Variants in MED17 observed in about 807,000 individuals in gnomAD.
The protein encoded by MED17 is mediator of RNA polymerase II transcription subunit 17.
Under a neutral mutation model 80.8 loss-of-function variants are expected in MED17, and 49 were observed. The observed-to-expected ratio is 0.61, with a 90% confidence interval of 0.48 to 0.77. MED17 has a LOEUF of 0.77. Ranked by LOEUF, MED17 falls within the 30% of genes least tolerant of loss-of-function variation. The pLI, the probability that MED17 is intolerant of heterozygous loss-of-function variation, is 0.00. For missense variants in MED17, 718 were observed against 787.0 expected, an observed-to-expected ratio of 0.91 and a Z score of 1.05; for synonymous variants, 281 against 280.4, an observed-to-expected ratio of 1.00 and a Z score of -0.02.
rs1944067599 is a variant in MED17 at position 93,809,802 on chromosome 11, T to G, written c.1670T>G (p.Leu557Arg). ...QVLSFSNHVG[L>R]GPIESIGNAS... ...CTGAGCTTCAGTAATCATGTGGGACTTGGACCTATAGAGAGCATTGGTAAT... is the reference window on the plus strand; with the variant it reads ...CTGAGCTTCAGTAATCATGTGGGACGTGGACCTATAGAGAGCATTGGTAAT... The change falls in exon 11 of 12, where the codon CTT (leucine) becomes CGT (arginine). Residue 557 changes from leucine (L) to arginine (R), a missense_variant. Coordinates refer to ENST00000251871, the MANE Select transcript of MED17 (RefSeq NM_004268.5). 1 of 1,614,186 alleles carries G rather than the reference T, an allele frequency of 6.2e-7. No homozygotes were observed. The highest frequency in any genetic ancestry group is 2.2e-5 in the East Asian group (1 of 44,884).
At chr11:93,810,241 C>T in intron 11 of MED17, 1 of 255,710 alleles carries the variant, frequency 3.9e-6, no homozygotes, top group South Asian at 4.5e-5. Context: ...AGGGATGGAA[C>T]AGAGAGGAAT....
chr11:93,805,154 CT>C (rs1267584701), intron 9 of MED17, among the ~76,000 whole-genome samples: 1 of 152,152 alleles, frequency 6.6e-6, no homozygotes, highest in African/African-American at 2.4e-5. Context: ...TTCTTACAGC[CT>C]TTTTGTATTT....
In MED17 at chr11:93,797,558, C is replaced by T. The variant is rs778651154; in HGVS notation, c.1167C>T (p.Ser389=). The change falls in exon 8 of 12, where the codon TCC becomes TCT. Residue 389 remains serine (S), a synonymous_variant. Transcript: ENST00000251871. ...IREFHKQTLS[S]IMMPHPASAP... is the part of the protein sequence containing the mutation. ...AGTTTCATAAACAGACCTTGAGTTC[C>T]ATCATGATGCCTCATCCAGCAAGTG... is the stretch of plus-strand genomic sequence containing the variant. 2 of 1,614,032 alleles carry T rather than the reference C, an allele frequency of 1.2e-6. No homozygotes were observed. The highest frequency in any genetic ancestry group is 2.2e-5 in the East Asian group (1 of 44,870).
chr11:93,810,262 A>G lies in MED17; in HGVS notation c.1744+386A>G, dbSNP rs144917818. 224 of 175,912 alleles carry G rather than the reference A, an allele frequency of 1.3e-3. 1 individual carries two copies. Among genetic ancestry groups the G allele is most frequent in the African/African-American group, 4.9e-3 (207 of 42,192 alleles). 10.9% of individuals were successfully genotyped at this position (175,912 alleles called of 1,614,324 possible). A position where few individuals can be genotyped will look rare whatever the true frequency, so the allele number is the denominator to read the frequency against. On this transcript the variant is annotated intron_variant, in intron 11 of 11. Coordinates refer to ENST00000251871, the MANE Select transcript of MED17 (RefSeq NM_004268.5). ...GGAACAGAGAGGAATATCTAATGCAAGGTACTACTTTTTTCACATTAAAAA... is the reference window on the plus strand; with the variant it reads ...GGAACAGAGAGGAATATCTAATGCAGGGTACTACTTTTTTCACATTAAAAA...
chr11:93,792,772 T>C (rs1011219456), intron 3 of MED17, among the ~76,000 whole-genome samples: 1 of 151,872 alleles, frequency 6.6e-6, no homozygotes, highest in Non-Finnish European at 1.5e-5. Flanking sequence ...ACCCTATCTC[T>C]AAGAAAAAAA....
At chr11:93,804,351 T>G (rs1944002715) in intron 9 of MED17, among the ~76,000 whole-genome samples, 1 of 152,160 alleles carries the variant, frequency 6.6e-6, no homozygotes, top group East Asian at 1.9e-4. Flanking sequence ...CCCACTGACT[T>G]AAATGTTAAT....
intron 10 of MED17, chr11:93,808,405 T>A (rs1240820383): frequency 6.7e-6 from 1 of 149,348 alleles, no homozygotes; most frequent in African/African-American, 2.5e-5. Flanking sequence ...TGATGTGTTC[T>A]AGTCCCAGCT....
Position 93,787,996 on chromosome 11 carries a change from T to C in MED17, c.251-5T>C. The C allele has an allele frequency of 3.1e-6, 5 of 1,613,444 alleles. No individual in the cohort carries two copies. Among genetic ancestry groups the C allele is most frequent in the South Asian group, 2.2e-5 (2 of 91,060 alleles). On this transcript the variant is annotated splice_region_variant and splice_polypyrimidine_tract_variant and intron_variant, in intron 1 of 11. Coordinates refer to ENST00000251871, the MANE Select transcript of MED17 (RefSeq NM_004268.5). ...TATTTCTTTTTTTTCTCTCTCTCTTTTTAGGAGTGGTAAAATTTCAGCCTT... is the reference window on the plus strand; with the variant it reads ...TATTTCTTTTTTTTCTCTCTCTCTTCTTAGGAGTGGTAAAATTTCAGCCTT...
intron 11 of MED17, 138 bp from the exon 12 acceptor site, chr11:93,811,715 A>G (rs1488664203): frequency 1.3e-6 from 1 of 750,578 alleles, no homozygotes; most frequent in Non-Finnish European, 2.2e-6. Context: ...TGAAACTGAA[A>G]AAGCACTTTT....
intron 7 of MED17, chr11:93,797,098 A>C (rs1303616127): frequency 4.9e-6 from 1 of 205,570 alleles, no homozygotes; most frequent in African/African-American, 2.4e-5. Flanking sequence ...GGGAACCTCT[A>C]ATCTAGGGTA....
chr11:93,805,975 CTTTTTTTTTTTTTTT>C (rs71064787), intron 9 of MED17: 10 of 65,546 alleles, frequency 1.5e-4, no homozygotes, highest in African/African-American at 3.2e-4. Flanking sequence ...GACCCTGTCT[CTTTTTTTTTTTTTTT>C]TTTTTTTTTT....
chr11:93,794,310 T>G, intron 5 of MED17: 1 of 334,528 alleles, frequency 3.0e-6, no homozygotes, highest in South Asian at 2.8e-5. Flanking sequence ...GTTCAAGCGA[T>G]TCTCCTGCCT....
intron 9 of MED17, among the ~76,000 whole-genome samples, chr11:93,805,565 A>T (rs897965017): frequency 2.3e-4 from 35 of 152,186 alleles, no homozygotes; most frequent in African/African-American, 8.4e-4. Context: ...TGGGTGATAG[A>T]GTGAGATCCT....
At position 93,814,950 on chromosome 11, in the gene MED17, CAG is replaced by C. The variant is rs1457836843; in HGVS notation, c.*2887_*2888del. On this transcript the variant is annotated 3_prime_UTR_variant, in exon 12 of 12. Transcript: ENST00000251871. ...CTTAGGTATTGCTGATGAATAAAAA[CAG>C]GGGCAACTACATTATTTAGTAAGTT... 8.5e-5 allele frequency: 13 copies of C among 152,216 alleles called. No homozygotes were observed. Among genetic ancestry groups the C allele is most frequent in the Admixed American group, 2.0e-4 (3 of 15,288 alleles). The allele number at this position is 152,216 out of a possible 1,614,324, so 9.4% of individuals were successfully genotyped here.
At chr11:93,806,035 G>T (rs1246297301) in intron 9 of MED17, 2 of 138,568 alleles carry the variant, frequency 1.4e-5, no homozygotes, top group African/African-American at 5.4e-5. Context: ...AGATCGGAGT[G>T]CAGTAGTGTG....
chr11:93,794,376 G>A (rs972388106), intron 5 of MED17: 1 of 282,030 alleles, frequency 3.5e-6, no homozygotes, highest in Admixed American at 5.1e-5. Context: ...GGCTAATTTT[G>A]TATTTTTAGT....
chr11:93,788,799 G>A (rs1019268042), intron 2 of MED17: 2 of 151,890 alleles, frequency 1.3e-5, no homozygotes, highest in Non-Finnish European at 2.9e-5. Flanking sequence ...TAATGGCTTT[G>A]GAATCAGGTA....
Position 93,796,435 on chromosome 11 carries a change from C to T in MED17, c.1038C>T (p.Cys346=). The part of the protein sequence containing the change: ...FPSLQLSISL[C]HSSNDKKSQK... ...GCTTGCAGTTATCTATTTCTTTGTG[C>T]CATTCCTCAAATGATAAGAAATCCC... The change falls in exon 7 of 12, where the codon TGC becomes TGT. Residue 346 remains cysteine, a synonymous_variant. Coordinates refer to ENST00000251871, the MANE Select transcript of MED17 (RefSeq NM_004268.5). 6.2e-7 allele frequency: 1 copy of T among 1,612,578 alleles called. No homozygotes were observed. The highest frequency in any genetic ancestry group is 8.5e-7 in the Non-Finnish European group (1 of 1,178,770).
At chr11:93,785,626 C>T (rs1378849676) in intron 1 of MED17, among the ~76,000 whole-genome samples, 1 of 151,994 alleles carries the variant, frequency 6.6e-6, no homozygotes, top group Non-Finnish European at 1.5e-5. Context: ...GATTGAAGTG[C>T]CAAATGAAGA....
Sources: allele counts gnomAD v4.1 joint callset (sites outside exome capture counted in the v4.1 genomes callset), GRCh38; gene constraint gnomAD v4.1.1; transcripts MANE v1.5; gene names NCBI Gene and HGNC (gene_info 2026-07-23, HGNC 2026-07-21).